Variants in MALRD1 observed in about 807,000 individuals in gnomAD.
MALRD1 encodes the protein MAM and LDL receptor class A domain containing 1.
In MALRD1, 247 loss-of-function variants were observed where a neutral mutation model predicts 242.1. The ratio of observed to expected loss-of-function variants is 1.02; its 90% CI spans 0.92 to 1.13. The LOEUF (loss-of-function observed/expected upper bound fraction) is 1.13. Among genes scored for constraint, MALRD1 ranks in the 50% most tolerant of loss-of-function variants. The pLI is 0.00. For missense variants in MALRD1, 2,989 were observed against 2,533.1 expected, an observed-to-expected ratio of 1.18 and a Z score of -3.86; for synonymous variants, 995 against 866.6, an observed-to-expected ratio of 1.15 and a Z score of -2.60.
intron 29 of MALRD1, among the ~76,000 whole-genome samples, chr10:19,474,126 T>C (rs1329080745): frequency 6.6e-6 from 1 of 152,212 alleles, no homozygotes; most frequent in Non-Finnish European, 1.5e-5. Context: ...CATTTGTGTA[T>C]GTTCTTTGGA....
At chr10:19,509,467 A>C (rs947631695) in intron 31 of MALRD1, among the ~76,000 whole-genome samples, 8 of 152,298 alleles carry the variant, frequency 5.3e-5, no homozygotes, top group Non-Finnish European at 8.8e-5. Context: ...AGTACAAAGA[A>C]GACTTCAGGG....
intron 31 of MALRD1, among the ~76,000 whole-genome samples, chr10:19,523,319 T>C (rs1262282095): frequency 2.0e-5 from 3 of 152,222 alleles, no homozygotes; most frequent in African/African-American, 7.2e-5. Context: ...AATATATTTC[T>C]GTTTCAATGA....
chr10:19,082,643 T>A (rs1236162541), intron 2 of MALRD1, among the ~76,000 whole-genome samples: 1 of 133,808 alleles, frequency 7.5e-6, no homozygotes, highest in Non-Finnish European at 1.6e-5. Context: ...CTTGTTTCTT[T>A]GCATTTCTCA....
chr10:19,075,163 C>T (rs138127443), intron 2 of MALRD1, among the ~76,000 whole-genome samples: 211 of 152,044 alleles, frequency 1.4e-3, no homozygotes, highest in African/African-American at 4.2e-3. Context: ...TGATCAATAC[C>T]GTGGAATATT....
chr10:19,628,560 T>G (rs996277893), intron 36 of MALRD1, among the ~76,000 whole-genome samples: 1 of 152,044 alleles, frequency 6.6e-6, no homozygotes, highest in African/African-American at 2.4e-5. Context: ...AATGTGTAAC[T>G]GTGTATGAAA....
At chr10:19,171,926 ATG>A (rs1159668783) in intron 13 of MALRD1, among the ~76,000 whole-genome samples, 1 of 128,070 alleles carries the variant, frequency 7.8e-6, no homozygotes, top group Non-Finnish European at 1.8e-5. Context: ...ATATACATAT[ATG>A]TGATATATAT....
intron 38 of MALRD1, among the ~76,000 whole-genome samples, chr10:19,700,412 C>A (rs1833571397): frequency 6.6e-6 from 1 of 152,042 alleles, no homozygotes; most frequent in African/African-American, 2.4e-5. Context: ...GGGGACTGGA[C>A]TAAGTTTTAA....
At chr10:19,685,015 T>G (rs1003505531) in intron 36 of MALRD1, among the ~76,000 whole-genome samples, 1 of 152,102 alleles carries the variant, frequency 6.6e-6, no homozygotes, top group African/African-American at 2.4e-5. Context: ...CCAGAAAAAA[T>G]CAGTTATAGG....
intron 28 of MALRD1, among the ~76,000 whole-genome samples, chr10:19,439,297 AAGGCAGG>A (rs1321527177): frequency 6.6e-6 from 1 of 152,170 alleles, no homozygotes; most frequent in East Asian, 1.9e-4. Context: ...TTGGGAAGCC[AAGGCAGG>A]AGGATAGCTT....
chr10:19,646,431 C>G (rs1007522659), intron 36 of MALRD1, among the ~76,000 whole-genome samples: 1 of 152,118 alleles, frequency 6.6e-6, no homozygotes, highest in Non-Finnish European at 1.5e-5. Context: ...TGGCAAAACC[C>G]CATCTCTACT....
rs200543831 is a variant in MALRD1, at chr10:19,521,124, CTGAA to C, written c.5321-10068_5321-10065del. Among the ~76,000 whole-genome samples, 525 of 152,188 alleles carry C rather than the reference CTGAA, an allele frequency of 3.4e-3. 7 individuals carry two copies. In the East Asian group the frequency reaches 0.05, roughly 14 times the overall value. ...GAATCTTGGAGGGCATGATTAGACT[CTGAA>C]TATGTAATCTGAAAACTTTTCAGAT... On this transcript the variant is annotated intron_variant, in intron 31 of 39. Coordinates refer to ENST00000454679, the MANE Select transcript of MALRD1 (RefSeq NM_001142308.3).
intron 31 of MALRD1, among the ~76,000 whole-genome samples, chr10:19,515,910 A>G (rs998185818): frequency 2.0e-5 from 3 of 152,196 alleles, no homozygotes; most frequent in African/African-American, 7.2e-5. Context: ...ACCAGCTAGT[A>G]TAAGGACATC....
intron 19 of MALRD1, among the ~76,000 whole-genome samples, chr10:19,275,224 A>G (rs578227101): frequency 6.6e-6 from 1 of 152,176 alleles, no homozygotes; most frequent in Non-Finnish European, 1.5e-5. Flanking sequence ...AGTTATTCAT[A>G]ATTAAAGTCA....
chr10:19,673,342 G>A (rs1348289599), intron 36 of MALRD1, among the ~76,000 whole-genome samples: 3 of 152,212 alleles, frequency 2.0e-5, no homozygotes, highest in Admixed American at 6.5e-5. Context: ...AGCCGAGATC[G>A]CGCCACTGCA....
At chr10:19,049,162 A>G (rs1263133711) in intron 1 of MALRD1, 25 bp downstream of exon 1, 5 of 1,233,338 alleles carry the variant, frequency 4.1e-6, no homozygotes, top group South Asian at 4.1e-5. Flanking sequence ...CCTTTCTCCA[A>G]TTTCAATTCC....
chr10:19,060,334 C>G (rs1391484687), intron 1 of MALRD1, among the ~76,000 whole-genome samples: 1 of 152,206 alleles, frequency 6.6e-6, no homozygotes, highest in African/African-American at 2.4e-5. Context: ...GGTTTGAGCT[C>G]AGCTTCCCTG....
intron 36 of MALRD1, among the ~76,000 whole-genome samples, chr10:19,687,620 C>T (rs1303530281): frequency 6.6e-6 from 1 of 152,182 alleles, no homozygotes; most frequent in African/African-American, 2.4e-5. Context: ...ACCCAACACA[C>T]CACTTAAAAA....
At chr10:19,053,916 A>G (rs1834585956) in intron 1 of MALRD1, among the ~76,000 whole-genome samples, 1 of 152,166 alleles carries the variant, frequency 6.6e-6, no homozygotes, top group Admixed American at 6.5e-5. Flanking sequence ...ATCAGAAAAA[A>G]AACTGAGTCC....
intron 21 of MALRD1, among the ~76,000 whole-genome samples, chr10:19,286,989 A>T (rs888775662): frequency 1.3e-5 from 2 of 151,846 alleles, no homozygotes; most frequent in Non-Finnish European, 2.9e-5. Context: ...AGTGGGCTTC[A>T]TCCCTGGGAT....
Sources: allele counts gnomAD v4.1 joint callset (sites outside exome capture counted in the v4.1 genomes callset), GRCh38; gene constraint gnomAD v4.1.1; transcripts MANE v1.5; gene names NCBI Gene and HGNC (gene_info 2026-07-23, HGNC 2026-07-21).